The following IGFL2 variants were observed in gnomAD, a reference collection of about 807,000 sequenced individuals.
The protein encoded by IGFL2 is IGF like family member 2, also known as insulin growth factor-like family member 2.
IGFL2 carries 7 observed loss-of-function variants against 13.9 expected under a neutral mutation model. The ratio of observed to expected loss-of-function variants is 0.51; its 90% CI spans 0.29 to 0.95. The LOEUF is 0.95. IGFL2 is among the 40% of genes least tolerant of loss of function. IGFL2 has a pLI of 0.08. For synonymous variants in IGFL2, 55 were observed against 55.8 expected (o/e 0.99, Z 0.07); for missense variants, 138 against 147.8 (o/e 0.93, Z 0.34).
chr19:46,201,526 C>T, the IGFL2 span, among the ~76,000 whole-genome samples: 22 of 152,336 alleles, frequency 1.4e-4, no homozygotes, highest in Admixed American at 4.6e-4. Context: ...AGCCTTTACG[C>T]GTCCCCAACC....
chr19:46,170,685 CA>C, the IGFL2 span, among the ~76,000 whole-genome samples: 1 of 152,090 alleles, frequency 6.6e-6, no homozygotes, highest in Non-Finnish European at 1.5e-5. Flanking sequence ...AATGCCTTCC[CA>C]GGGGGGCCTC....
the IGFL2 span, among the ~76,000 whole-genome samples, chr19:46,119,531 TGC>T: frequency 7.1e-6 from 1 of 141,176 alleles, no homozygotes; most frequent in African/African-American, 2.8e-5. Flanking sequence ...CTCATCCCAC[TGC>T]TGCTACTACT....
the IGFL2 span, among the ~76,000 whole-genome samples, chr19:46,183,335 A>G: frequency 1.3e-5 from 2 of 152,128 alleles, no homozygotes; most frequent in Non-Finnish European, 1.5e-5. Flanking sequence ...GTGGGGACAC[A>G]GAGCCAAAGC....
chr19:46,128,417 G>A, the IGFL2 span, among the ~76,000 whole-genome samples: 1 of 152,114 alleles, frequency 6.6e-6, no homozygotes, highest in Non-Finnish European at 1.5e-5. Context: ...TCCTTATCTT[G>A]TACCAGTTTT....
At chr19:46,121,245 A>G in the IGFL2 span, among the ~76,000 whole-genome samples, 1 of 148,756 alleles carries the variant, frequency 6.7e-6, no homozygotes, top group Middle Eastern at 3.5e-3. Flanking sequence ...AAAGTTAGCC[A>G]GATGTGGTGG....
the IGFL2 span, among the ~76,000 whole-genome samples, chr19:46,092,810 A>T: frequency 1.3e-5 from 2 of 151,994 alleles, no homozygotes; most frequent in Non-Finnish European, 2.9e-5. Flanking sequence ...CATTTATTGA[A>T]ATTGTTATTT....
intron 1 of IGFL2, chr19:46,159,021 T>C (rs1973983806): frequency 6.6e-6 from 1 of 152,216 alleles, no homozygotes; most frequent in Non-Finnish European, 1.5e-5. Flanking sequence ...GTATCACATA[T>C]CATCTGCCAC....
chr19:46,155,935 C>T (rs1973798991), intron 1 of IGFL2, among the ~76,000 whole-genome samples: 2 of 152,076 alleles, frequency 1.3e-5, no homozygotes, highest in South Asian at 4.1e-4. Context: ...TGTTTAGTTT[C>T]TTCAATATTG....
chr19:46,169,268 C>T, the IGFL2 span, among the ~76,000 whole-genome samples: 1 of 152,016 alleles, frequency 6.6e-6, no homozygotes, highest in African/African-American at 2.4e-5. Flanking sequence ...ATAGAATTGC[C>T]CAATCCAATA....
chr19:46,083,221 T>C, the IGFL2 span, among the ~76,000 whole-genome samples: 12 of 152,232 alleles, frequency 7.9e-5, no homozygotes, highest in Non-Finnish European at 1.3e-4. Context: ...CACAAAGACA[T>C]ACGTATAAGA....
upstream of IGFL2, among the ~76,000 whole-genome samples, chr19:46,141,886 C>A (rs946164475): frequency 6.6e-6 from 1 of 152,186 alleles, no homozygotes; most frequent in Admixed American, 6.5e-5. Context: ...ATGCAAAGAA[C>A]AAAACTTCTG....
the IGFL2 span, among the ~76,000 whole-genome samples, chr19:46,201,957 C>T: frequency 3.9e-5 from 6 of 152,082 alleles, no homozygotes; most frequent in South Asian, 2.1e-4. Context: ...TAAGCTGGAC[C>T]GGTTGTGAGT....
At chr19:46,166,858 C>T in the IGFL2 span, among the ~76,000 whole-genome samples, 1 of 152,206 alleles carries the variant, frequency 6.6e-6, no homozygotes, top group Non-Finnish European at 1.5e-5. Context: ...CTCTTATTCG[C>T]TGAATAATTG....
At chr19:46,136,303 C>T in the IGFL2 span, among the ~76,000 whole-genome samples, 1 of 151,920 alleles carries the variant, frequency 6.6e-6, no homozygotes, top group African/African-American at 2.4e-5. Flanking sequence ...AATATTATGT[C>T]ATGAAAAAAC....
At chr19:46,083,666 G>A in the IGFL2 span, among the ~76,000 whole-genome samples, 2,052 of 152,226 alleles carry the variant, frequency 0.013, 32 homozygotes, top group Middle Eastern at 0.027. Context: ...AGAGAGACAA[G>A]GAGACAGAAA....
In IGFL2 at chr19:46,160,436, G is replaced by T. The variant is rs191441091; in HGVS notation, c.41G>T (p.Cys14Phe). The T allele has an allele frequency of 1.5e-4, 237 of 1,613,658 alleles. 2 individuals are homozygous for T. In the African/African-American group the frequency reaches 2.2e-3, roughly 15 times the overall value. The change falls in exon 2 of 4, where the codon TGT becomes TTT. Residue 14 changes from cysteine to phenylalanine, a missense_variant. Physicochemically the swap from Cys to Phe is radical, Grantham distance 205 (BLOSUM62 -2). Transcript: ENST00000377693. ...CCAGCTCCTGCTTATGTGTCAGTCT[G>T]TCTCCTCCTCTTGTGTCCAAGGGAA... ...RIFAPAYVSV[C>F]LLLLCPREVI...
At chr19:46,170,522 T>C in the IGFL2 span, among the ~76,000 whole-genome samples, 1 of 152,314 alleles carries the variant, frequency 6.6e-6, no homozygotes, top group Non-Finnish European at 1.5e-5. Flanking sequence ...ACAGTGATTT[T>C]CAGGGAACAA....
the IGFL2 span, among the ~76,000 whole-genome samples, chr19:46,082,659 C>CT: frequency 6.6e-6 from 1 of 151,118 alleles, no homozygotes; most frequent in Non-Finnish European, 1.5e-5. Context: ...ACACTCCACT[C>CT]TGTCACGCAG....
chr19:46,151,516 C>A (rs1231901146), intron 1 of IGFL2, among the ~76,000 whole-genome samples: 1 of 152,198 alleles, frequency 6.6e-6, no homozygotes, highest in East Asian at 1.9e-4. Context: ...GCTTTGAAAT[C>A]ATGAAGTATC....
Sources: allele counts gnomAD v4.1 joint callset (sites outside exome capture counted in the v4.1 genomes callset), GRCh38; gene constraint gnomAD v4.1.1; transcripts MANE v1.5; gene names NCBI Gene and HGNC (gene_info 2026-07-23, HGNC 2026-07-21).